Variants in CNTNAP2 observed in about 807,000 individuals in gnomAD.
CNTNAP2 encodes contactin-associated protein-like 2.
In CNTNAP2, 98 loss-of-function variants were observed where a neutral mutation model predicts 155.2. The observed-to-expected ratio is 0.63, with a 90% CI of 0.54 to 0.75. The LOEUF (loss-of-function observed/expected upper bound fraction) is 0.75, where lower values mean the gene tolerates loss of function less well. Ranked by LOEUF, CNTNAP2 falls within the 30% of genes least tolerant of loss-of-function variation. The pLI, the probability that CNTNAP2 is intolerant of heterozygous loss-of-function variation, is 0.00. For missense variants in CNTNAP2, 1,727 were observed against 1,688.1 expected (o/e 1.02, Z -0.40); for synonymous variants, 651 against 631.2 (o/e 1.03, Z -0.47).
chr7:147,769,052 T>A (rs1797425632), intron 13 of CNTNAP2, among the ~76,000 whole-genome samples: 1 of 152,130 alleles, frequency 6.6e-6, no homozygotes, highest in Non-Finnish European at 1.5e-5. Flanking sequence ...TAATCTTTCT[T>A]AAATTTCTTA....
At chr7:146,446,559 T>C (rs1380115606) in intron 1 of CNTNAP2, among the ~76,000 whole-genome samples, 1 of 152,094 alleles carries the variant, frequency 6.6e-6, no homozygotes, top group African/African-American at 2.4e-5. Context: ...GTCACTGAGC[T>C]AAGAAAAAGA....
At chr7:147,557,674 G>A (rs1799977190) in intron 11 of CNTNAP2, among the ~76,000 whole-genome samples, 1 of 152,126 alleles carries the variant, frequency 6.6e-6, no homozygotes, top group Admixed American at 6.5e-5. Context: ...GGCATGCAGG[G>A]TAAATACTGT....
chr7:147,055,875 G>T (rs927257407), intron 4 of CNTNAP2, among the ~76,000 whole-genome samples: 5 of 152,190 alleles, frequency 3.3e-5, no homozygotes, highest in East Asian at 1.9e-4. Context: ...CAGGAACAAA[G>T]TTGGGAGGGG....
intron 21 of CNTNAP2, among the ~76,000 whole-genome samples, chr7:148,301,461 A>T (rs1797391314): frequency 6.6e-6 from 1 of 151,650 alleles, no homozygotes; most frequent in African/African-American, 2.4e-5. Flanking sequence ...GACTCCAAGG[A>T]TGCATTCAAC....
rs1452496341 is a variant in CNTNAP2 at position 148,119,829 on chromosome 7, ATCT to A, written c.2554+1545_2554+1547del. Among the ~76,000 whole-genome samples, 3 of 152,202 alleles carry A rather than the reference ATCT, an allele frequency of 2.0e-5. No homozygotes were observed. In the East Asian group the frequency reaches 5.8e-4, roughly 29 times the overall value. On this transcript the variant is annotated intron_variant, in intron 16 of 23. Coordinates refer to ENST00000361727, the MANE Select transcript of CNTNAP2 (RefSeq NM_014141.6). ...GTATCTAGTAGTTATTGTAATTATC[ATCT>A]TCTGAGGATGCCCATGGCAGATCTG...
At chr7:148,093,210 T>G (rs1235726944) in intron 15 of CNTNAP2, among the ~76,000 whole-genome samples, 1 of 152,114 alleles carries the variant, frequency 6.6e-6, no homozygotes, top group Non-Finnish European at 1.5e-5. Flanking sequence ...AATTAAATTT[T>G]TTTAAAAAGG....
intron 3 of CNTNAP2, among the ~76,000 whole-genome samples, chr7:146,979,272 T>C (rs1260935697): frequency 1.3e-5 from 2 of 152,192 alleles, no homozygotes; most frequent in African/African-American, 4.8e-5. Flanking sequence ...CCTCGTCTTA[T>C]ACTGTGTATG....
chr7:147,552,917 C>G (rs780944648), intron 11 of CNTNAP2, among the ~76,000 whole-genome samples: 1 of 151,938 alleles, frequency 6.6e-6, no homozygotes, highest in South Asian at 2.1e-4. Flanking sequence ...TCCAGGCCAG[C>G]AGAAGAAAAA....
At chr7:147,836,175 G>T (rs851708) in intron 13 of CNTNAP2, among the ~76,000 whole-genome samples, 34,549 of 152,084 alleles carry the variant, frequency 0.23, 3,993 homozygotes, top group Middle Eastern at 0.3. Context: ...TGTCATTGTT[G>T]ATTTTAACAA....
In CNTNAP2 at chr7:146,626,616, A is replaced by G. The variant is rs578045076; in HGVS notation, c.98-147655A>G. ...GAATATCATTGATAATGGAAACTCA[A>G]TGTATCCAATGCTTAGTTATTTACA... On this transcript the variant is annotated intron_variant, in intron 1 of 23. Coordinates refer to ENST00000361727, the MANE Select transcript of CNTNAP2 (RefSeq NM_014141.6). Among the ~76,000 whole-genome samples, 48 of 152,302 alleles carry G rather than the reference A, an allele frequency of 3.2e-4. 1 individual carries two copies. The highest frequency in any genetic ancestry group is 1.0e-3 in the African/African-American group (42 of 41,588).
intron 13 of CNTNAP2, among the ~76,000 whole-genome samples, chr7:147,864,991 C>T (rs1281932862): frequency 6.6e-6 from 1 of 152,140 alleles, no homozygotes. Flanking sequence ...GAGAAGACAT[C>T]CTTGTCTTGT....
chr7:147,231,165 C>T (rs1803672957), intron 8 of CNTNAP2, among the ~76,000 whole-genome samples: 1 of 152,234 alleles, frequency 6.6e-6, no homozygotes, highest in Non-Finnish European at 1.5e-5. Flanking sequence ...TCTTCACGAT[C>T]CAACTACAAT....
rs1017660949 is a variant in CNTNAP2 at position 148,415,882 on chromosome 7, A to G, written c.*266A>G. 1.8e-5 allele frequency: 10 copies of G among 568,180 alleles called. No homozygotes were observed. Among genetic ancestry groups the G allele is most frequent in the Non-Finnish European group, 2.5e-5 (8 of 321,432 alleles). The allele number at this position is 568,180 out of a possible 1,614,324, so 35.2% of individuals were successfully genotyped here. ...GCTTTTAGAGTTTAAGCAATGGTTG[A>G]AATTTGTAGGTACTATCTGTCTTAT... is the stretch of plus-strand genomic sequence containing the variant. On this transcript the variant is annotated 3_prime_UTR_variant, in exon 24 of 24. Coordinates refer to ENST00000361727, the MANE Select transcript of CNTNAP2 (RefSeq NM_014141.6).
chr7:146,635,711 T>C (rs1799586549), intron 1 of CNTNAP2, among the ~76,000 whole-genome samples: 1 of 152,052 alleles, frequency 6.6e-6, no homozygotes, highest in Non-Finnish European at 1.5e-5. Context: ...GCTGTGTTTG[T>C]TTGGTGAAGT....
At chr7:147,464,465 TAAAA>T (rs71183005) in intron 10 of CNTNAP2, among the ~76,000 whole-genome samples, 5 of 65,968 alleles carry the variant, frequency 7.6e-5, no homozygotes, top group Admixed American at 3.9e-4. Context: ...AGACTCCATC[TAAAA>T]AAAAAAAAAA....
intron 21 of CNTNAP2, among the ~76,000 whole-genome samples, chr7:148,360,064 A>G (rs1254986085): frequency 1.3e-5 from 2 of 152,178 alleles, no homozygotes; most frequent in Non-Finnish European, 2.9e-5. Flanking sequence ...ATTGGCAGCC[A>G]TGGGTTGGCT....
chr7:146,740,925 TC>T (rs1158251853), intron 1 of CNTNAP2, among the ~76,000 whole-genome samples: 1 of 152,136 alleles, frequency 6.6e-6, no homozygotes, highest in Non-Finnish European at 1.5e-5. Context: ...GGCTATGTGG[TC>T]TCACCTGGTG....
chr7:147,649,808 C>G (rs1319152168), intron 13 of CNTNAP2, among the ~76,000 whole-genome samples: 1 of 151,878 alleles, frequency 6.6e-6, no homozygotes, highest in Non-Finnish European at 1.5e-5. Flanking sequence ...ATACTACTTA[C>G]TCTGCCATTC....
chr7:146,899,194 T>A (rs570112885), intron 3 of CNTNAP2, among the ~76,000 whole-genome samples: 5 of 152,306 alleles, frequency 3.3e-5, no homozygotes, highest in African/African-American at 9.6e-5. Context: ...CCACACATTC[T>A]CAAGTAATTT....
Sources: gnomAD v4.1 joint callset for allele counts (sites outside exome capture counted in the v4.1 genomes callset) on GRCh38, gnomAD v4.1.1 for gene constraint, MANE v1.5 for transcripts, NCBI Gene and HGNC (gene_info 2026-07-23, HGNC 2026-07-21) for gene names.